The following PPP3CC variants were observed in gnomAD, a reference collection of about 807,000 sequenced individuals.
The protein encoded by PPP3CC is protein phosphatase 3 catalytic subunit gamma.
In PPP3CC, 35 loss-of-function variants were observed where a neutral mutation model predicts 60.3. The observed-to-expected ratio is 0.58, with a 90% CI of 0.44 to 0.77. The LOEUF is 0.77. Among genes scored for constraint, PPP3CC ranks in the 30% least tolerant of loss-of-function variants. The probability of loss-of-function intolerance (pLI) is 0.00; values close to 1 mark genes in which losing one functional copy is unlikely to be tolerated. For synonymous variants in PPP3CC, 206 were observed against 224.3 expected (o/e 0.92, Z 0.73); for missense variants, 570 against 628.9 (o/e 0.91, Z 1.00).
chr8:22,442,051 G>C (rs1472787043), intron 1 of PPP3CC, among the ~76,000 whole-genome samples: 1 of 152,204 alleles, frequency 6.6e-6, no homozygotes, highest in Non-Finnish European at 1.5e-5. Flanking sequence ...AAGACTTGGA[G>C]AATGACGTTT....
chr8:22,538,719 G>A (rs1170353182), intron 12 of PPP3CC, among the ~76,000 whole-genome samples: 1 of 152,162 alleles, frequency 6.6e-6, no homozygotes, highest in Admixed American at 6.5e-5. Flanking sequence ...TTTTTAAGTT[G>A]CTTCCTTTTC....
intron 1 of PPP3CC, among the ~76,000 whole-genome samples, chr8:22,450,427 A>G (rs1339178251): frequency 1.3e-5 from 2 of 152,210 alleles, no homozygotes; most frequent in African/African-American, 4.8e-5. Context: ...CCATTTAGTC[A>G]CTGATTCAGA....
chr8:22,504,218 T>C (rs142831450), intron 4 of PPP3CC, among the ~76,000 whole-genome samples: 2,161 of 152,344 alleles, frequency 0.014, 22 homozygotes, highest in Non-Finnish European at 0.024. Context: ...ACTATATGTA[T>C]ACAATGTATA....
At chr8:22,454,807 G>A (rs1218988764) in intron 1 of PPP3CC, among the ~76,000 whole-genome samples, 1 of 151,828 alleles carries the variant, frequency 6.6e-6, no homozygotes, top group Admixed American at 6.6e-5. Flanking sequence ...GGTGGCTCAC[G>A]CCTGTAATCC....
At chr8:22,517,937 A>G (rs1308669365) in intron 6 of PPP3CC, among the ~76,000 whole-genome samples, 1 of 152,022 alleles carries the variant, frequency 6.6e-6, no homozygotes, top group Non-Finnish European at 1.5e-5. Context: ...AGTGTAAAAT[A>G]AGGTTGTTTA....
intron 1 of PPP3CC, among the ~76,000 whole-genome samples, chr8:22,457,814 G>A (rs566609371): frequency 5.9e-5 from 9 of 152,204 alleles, no homozygotes; most frequent in Non-Finnish European, 1.0e-4. Context: ...TATTTCGGCC[G>A]GGCGCAGTGG....
intron 1 of PPP3CC, among the ~76,000 whole-genome samples, chr8:22,455,463 T>G (rs1837168548): frequency 6.6e-6 from 1 of 152,214 alleles, no homozygotes; most frequent in Non-Finnish European, 1.5e-5. Flanking sequence ...ACTTTTGTGT[T>G]TTTTTATGTG....
intron 10 of PPP3CC, among the ~76,000 whole-genome samples, chr8:22,530,771 G>A (rs1446544013): frequency 7.7e-6 from 1 of 130,240 alleles, no homozygotes; most frequent in African/African-American, 2.9e-5. Context: ...GGCGGAGGTT[G>A]CAGTGAGCCA....
At chr8:22,469,195 A>G (rs903132059) in intron 1 of PPP3CC, among the ~76,000 whole-genome samples, 2 of 152,220 alleles carry the variant, frequency 1.3e-5, no homozygotes, top group Non-Finnish European at 2.9e-5. Context: ...AGCAACATGG[A>G]TGGAACTGAA....
At chr8:22,459,115 G>A (rs1296782570) in intron 1 of PPP3CC, among the ~76,000 whole-genome samples, 1 of 151,402 alleles carries the variant, frequency 6.6e-6, no homozygotes, top group Non-Finnish European at 1.5e-5. Flanking sequence ...TGCCCAGGCT[G>A]GAGTATAGTG....
intron 3 of PPP3CC, among the ~76,000 whole-genome samples, chr8:22,476,822 C>T (rs1409219278): frequency 6.6e-6 from 1 of 151,420 alleles, no homozygotes; most frequent in African/African-American, 2.4e-5. Context: ...GTCCCAGCTA[C>T]TTGGGAGGCT....
At position 22,467,693 on chromosome 8, in the gene PPP3CC, C is replaced by T. The variant is rs1338162846; in HGVS notation, c.50-7261C>T. 2.6e-5 allele frequency among the ~76,000 whole-genome samples: 4 copies of T among 152,168 alleles called. No homozygotes were observed. In the East Asian group the frequency reaches 7.7e-4, roughly 29 times the overall value. ...CCACCTGCCTCCGCCTCCCAATGTT[C>T]TGGGATTACAGGTGTGAGCCACCGC... On this transcript the variant is annotated intron_variant, in intron 1 of 13. Coordinates refer to ENST00000240139, the MANE Select transcript of PPP3CC (RefSeq NM_005605.5).
At chr8:22,534,779 C>G (rs1284338816) in intron 12 of PPP3CC, among the ~76,000 whole-genome samples, 3 of 152,164 alleles carry the variant, frequency 2.0e-5, no homozygotes, top group Non-Finnish European at 2.9e-5. Context: ...GAATAATACT[C>G]AGCAATAAAA....
chr8:22,449,447 C>CAAAA (rs35113938), intron 1 of PPP3CC, among the ~76,000 whole-genome samples: 11 of 59,642 alleles, frequency 1.8e-4, no homozygotes, highest in East Asian at 1.1e-3. Context: ...GACCCCATCT[C>CAAAA]AAAAAAAAAA....
Position 22,513,511 on chromosome 8 carries a change from T to A in PPP3CC, c.770+79T>A, listed in dbSNP as rs544820352. On this transcript the variant is annotated intron_variant, in intron 6 of 13. Coordinates refer to ENST00000240139, the MANE Select transcript of PPP3CC (RefSeq NM_005605.5). ...TCAGATGATTTTTCAGCATTTTATATTTCAAATCTATGTAGTATAAGCACT... is the reference window on the plus strand; with the variant it reads ...TCAGATGATTTTTCAGCATTTTATAATTCAAATCTATGTAGTATAAGCACT... The A allele has an allele frequency of 2.8e-5, 40 of 1,445,024 alleles. No homozygotes were observed. In the Admixed American group the frequency reaches 4.6e-4, roughly 17 times the overall value. 89.5% of individuals were successfully genotyped at this position (1,445,024 alleles called of 1,614,324 possible).
At chr8:22,534,208 A>AAAAAAAC in intron 12 of PPP3CC, among the ~76,000 whole-genome samples, 1 of 151,698 alleles carries the variant, frequency 6.6e-6, no homozygotes, top group South Asian at 2.1e-4. Flanking sequence ...AAAAAAAAAA[A>AAAAAAAC]AAAAACAAAC....
intron 1 of PPP3CC, among the ~76,000 whole-genome samples, chr8:22,466,065 C>G (rs768274207): frequency 3.3e-5 from 5 of 152,088 alleles, no homozygotes; most frequent in Non-Finnish European, 5.9e-5. Context: ...TCAATTCCCA[C>G]CCAAGAGTGA....
chr8:22,495,417 A>G (rs1838538894), intron 3 of PPP3CC, among the ~76,000 whole-genome samples: 1 of 152,114 alleles, frequency 6.6e-6, no homozygotes, highest in Non-Finnish European at 1.5e-5. Context: ...CACACATGCT[A>G]CAGCCTTGTG....
At chr8:22,451,406 G>A (rs1228286498) in intron 1 of PPP3CC, among the ~76,000 whole-genome samples, 1 of 152,336 alleles carries the variant, frequency 6.6e-6, no homozygotes, top group African/African-American at 2.4e-5. Context: ...AAAGTGCTGG[G>A]ATTACAGGCG....
Sources: gnomAD v4.1 joint callset for allele counts (sites outside exome capture counted in the v4.1 genomes callset) on GRCh38, gnomAD v4.1.1 for gene constraint, MANE v1.5 for transcripts, NCBI Gene and HGNC (gene_info 2026-07-23, HGNC 2026-07-21) for gene names.